SLC25A29: variants seen among roughly 807,000 people sequenced by gnomAD.
SLC25A29 encodes the protein solute carrier family 25 member 29, also known as mitochondrial basic amino acids transporter.
A neutral mutation model predicts 10.0 loss-of-function variants in SLC25A29; 13 were observed. The ratio of observed to expected loss-of-function variants is 1.30; its 90% CI spans 0.85 to 2.07. The LOEUF is 2.07. SLC25A29 is among the 30% of genes most tolerant of loss of function. The pLI is 0.00. For missense variants in SLC25A29, 475 were observed against 447.6 expected (o/e 1.06, Z -0.55); for synonymous variants, 244 against 221.1 (o/e 1.10, Z -0.92).
At chr14:100,281,376 T>C in the SLC25A29 span, 1 of 152,348 alleles carries the variant, frequency 6.6e-6, no homozygotes, top group African/African-American at 2.4e-5. Context: ...TCCCAGCTGC[T>C]CTGCTGGCTT....
chr14:100,306,160 C>T (rs753223743), intron 1 of SLC25A29, 39 bp downstream of exon 1: 3 of 1,406,818 alleles, frequency 2.1e-6, no homozygotes, highest in African/African-American at 3.0e-5. Context: ...CCTCCCCGGA[C>T]GCCTCGCCCC....
chr14:100,297,624 C>G (rs1464709391), intron 2 of SLC25A29, among the ~76,000 whole-genome samples: 1 of 152,184 alleles, frequency 6.6e-6, no homozygotes, highest in African/African-American at 2.4e-5. Context: ...AGCGCGTGGG[C>G]ATGGCTGGGG....
chr14:100,297,323 C>T (rs747510787), intron 2 of SLC25A29, among the ~76,000 whole-genome samples: 1 of 152,188 alleles, frequency 6.6e-6, no homozygotes, highest in African/African-American at 2.4e-5. Context: ...GTGCTGCTCG[C>T]GGGCTCAGTG....
downstream of SLC25A29, among the ~76,000 whole-genome samples, chr14:100,289,291 C>T (rs534383593): frequency 3.3e-5 from 5 of 152,320 alleles, no homozygotes; most frequent in East Asian, 1.9e-4. Flanking sequence ...GGATCACTGT[C>T]AAGGGAAGAC....
At chr14:100,297,787 G>A (rs2139737676) in intron 2 of SLC25A29, among the ~76,000 whole-genome samples, 1 of 152,374 alleles carries the variant, frequency 6.6e-6, no homozygotes, top group African/African-American at 2.4e-5. Context: ...TTCAGAGCTA[G>A]CATTTAATCC....
chr14:100,295,895 G>A (rs755012505), intron 2 of SLC25A29: 84 of 1,289,596 alleles, frequency 6.5e-5, no homozygotes, highest in East Asian at 1.7e-4. Context: ...AACTCCCTTC[G>A]TGTAGAAACG....
Position 100,306,185 on chromosome 14 carries a change from C to A in SLC25A29, c.34+14G>T. 6.7e-7 allele frequency: 1 copy of A among 1,484,318 alleles called. No homozygotes were observed. The highest frequency in any genetic ancestry group is 8.9e-7 in the Non-Finnish European group (1 of 1,123,910). The allele number at this position is 1,484,318 out of a possible 1,614,324, so 91.9% of individuals were successfully genotyped here. A position where few individuals can be genotyped will look rare whatever the true frequency, so the allele number is the denominator to read the frequency against. ...CGCCTCGCCCCGGCCCGGCCCGGCC[C>A]GCCGCCTCCTTACCCCCCGCGCATC... On this transcript the variant is annotated intron_variant, in intron 1 of 3. Coordinates refer to ENST00000359232, the MANE Select transcript of SLC25A29 (RefSeq NM_001039355.3).
intron 1 of SLC25A29, chr14:100,299,493 C>T: frequency 1.0e-6 from 1 of 986,756 alleles, no homozygotes; most frequent in East Asian, 1.1e-4. Flanking sequence ...CCGTCCCCTT[C>T]CCTCAGTGGG....
downstream of SLC25A29, among the ~76,000 whole-genome samples, chr14:100,290,608 G>C (rs1891640633): frequency 6.6e-6 from 1 of 152,216 alleles, no homozygotes; most frequent in Non-Finnish European, 1.5e-5. Flanking sequence ...CCAGGAGGCT[G>C]AACAGAACTG....
chr14:100,295,482 G>GC (rs1892077884), intron 2 of SLC25A29: 1 of 975,684 alleles, frequency 1.0e-6, no homozygotes, highest in Non-Finnish European at 1.3e-6. Flanking sequence ...GCCAGCCCGA[G>GC]CCCCCACCCC....
downstream of SLC25A29, among the ~76,000 whole-genome samples, chr14:100,289,531 A>G (rs1355706776): frequency 1.3e-5 from 2 of 152,172 alleles, no homozygotes; most frequent in Admixed American, 1.3e-4. Context: ...CACTTCATAT[A>G]TCACTTATTC....
At chr14:100,281,114 C>CT in the SLC25A29 span, 3 of 151,092 alleles carry the variant, frequency 2.0e-5, no homozygotes, top group Non-Finnish European at 4.4e-5. Context: ...TACCCACCTC[C>CT]CCCCACCCCC....
At chr14:100,296,912 T>C (rs1424735259) in intron 2 of SLC25A29, among the ~76,000 whole-genome samples, 1 of 152,168 alleles carries the variant, frequency 6.6e-6, no homozygotes, top group Non-Finnish European at 1.5e-5. Context: ...GTGTGCACTT[T>C]CTATATGTGC....
At chr14:100,283,872 T>A in the SLC25A29 span, among the ~76,000 whole-genome samples, 1 of 151,970 alleles carries the variant, frequency 6.6e-6, no homozygotes, top group Non-Finnish European at 1.5e-5. Context: ...TATAATTTTT[T>A]ATTTTATTTA....
At chr14:100,299,958 C>T in intron 1 of SLC25A29, 6 of 985,440 alleles carry the variant, frequency 6.1e-6, no homozygotes, top group Non-Finnish European at 7.2e-6. Flanking sequence ...CTTTACCTAA[C>T]ATCCTATCCA....
chr14:100,295,163 CAGCTTCTCCCACCAATGTGGGCAGA>C (rs1892052991), intron 2 of SLC25A29: 1 of 163,466 alleles, frequency 6.1e-6, no homozygotes, highest in East Asian at 1.7e-4. Flanking sequence ...TAGGTCAACT[CAGCTTCTCCCACCAATGTGGGCAGA>C]GGCCTCTCCC....
At chr14:100,301,089 CAG>C (rs1314855009) in intron 1 of SLC25A29, among the ~76,000 whole-genome samples, 4 of 151,852 alleles carry the variant, frequency 2.6e-5, no homozygotes, top group Non-Finnish European at 5.9e-5. Context: ...TTAGTAGAGA[CAG>C]AGTTTCACCA....
At position 100,292,123 on chromosome 14, in the gene SLC25A29, C is replaced by A. The variant is rs1165917839; in HGVS notation, c.*160G>T. On this transcript the variant is annotated 3_prime_UTR_variant, in exon 4 of 4. Coordinates refer to ENST00000359232, the MANE Select transcript of SLC25A29 (RefSeq NM_001039355.3). ...TGAGAACACTGAGGCAAGTGCAGTTCTCGGCCAAAACTACCCAGCTGATCA... is the reference window on the plus strand; with the variant it reads ...TGAGAACACTGAGGCAAGTGCAGTTATCGGCCAAAACTACCCAGCTGATCA... 1.1e-6 allele frequency: 1 copy of A among 901,884 alleles called. No homozygotes were observed. The highest frequency in any genetic ancestry group is 1.7e-6 in the Non-Finnish European group (1 of 580,712). 55.9% of individuals were successfully genotyped at this position (901,884 alleles called of 1,614,324 possible).
downstream of SLC25A29, among the ~76,000 whole-genome samples, chr14:100,288,315 G>T (rs1483320542): frequency 7.5e-6 from 1 of 132,478 alleles, no homozygotes; most frequent in Admixed American, 9.0e-5. Context: ...CTGGGAGGTG[G>T]AAGTTGCAGT....
Sources: allele counts gnomAD v4.1 joint callset (sites outside exome capture counted in the v4.1 genomes callset), GRCh38; gene constraint gnomAD v4.1.1; transcripts MANE v1.5; gene names NCBI Gene and HGNC (gene_info 2026-07-23, HGNC 2026-07-21).